Variants in CNOT6L observed in about 807,000 individuals in gnomAD.
CNOT6L encodes CCR4-NOT transcription complex subunit 6-like.
In CNOT6L, 7 loss-of-function variants were observed where a neutral mutation model predicts 64.0. That is an observed-to-expected ratio of 0.11 (90% confidence interval 0.06 to 0.21). The LOEUF (loss-of-function observed/expected upper bound fraction) is 0.21. Among genes scored for constraint, CNOT6L ranks in the 10% least tolerant of loss-of-function variants. CNOT6L has a pLI of 1.00. For synonymous variants in CNOT6L, 193 were observed against 243.4 expected, an observed-to-expected ratio of 0.79 and a Z score of 1.93; for missense variants, 245 against 669.0, an observed-to-expected ratio of 0.37 and a Z score of 6.99.
At position 77,714,260 on chromosome 4, in the gene CNOT6L, G is replaced by A. The variant is rs1268843665; in HGVS notation, c.*6171C>T. ...TTAATGCCAGGTAATGAAAATAAATGAACCTTTCCCTACTCAAAACGATAA... is the reference window on the plus strand; with the variant it reads ...TTAATGCCAGGTAATGAAAATAAATAAACCTTTCCCTACTCAAAACGATAA... On this transcript the variant is annotated 3_prime_UTR_variant, in exon 12 of 12. Transcript: ENST00000504123. 9 of 151,942 alleles carry A rather than the reference G, an allele frequency of 5.9e-5. No individual in the cohort carries two copies. The highest frequency in any genetic ancestry group is 1.3e-4 in the Non-Finnish European group (9 of 67,858). 9.4% of individuals were successfully genotyped at this position (151,942 alleles called of 1,614,324 possible).
chr4:77,723,647 T>C (rs1721531247), intron 11 of CNOT6L, among the ~76,000 whole-genome samples: 1 of 152,184 alleles, frequency 6.6e-6, no homozygotes, highest in East Asian at 1.9e-4. Context: ...CCCATCTATC[T>C]ATCCAGCCAG....
rs142126715 is a variant in CNOT6L at position 77,810,951 on chromosome 4, C to G, written c.5+8353G>C. Reference sequence around the variant, plus strand: ...TAACACAGTGTCCTCTAGTTCCATCCAAGTTGCCAAGAATGACAGGATTCC... The same window carrying G: ...TAACACAGTGTCCTCTAGTTCCATCGAAGTTGCCAAGAATGACAGGATTCC... On this transcript the variant is annotated intron_variant, in intron 1 of 11. Transcript: ENST00000504123. Among the ~76,000 whole-genome samples, 704 of 152,088 alleles carry G rather than the reference C, an allele frequency of 4.6e-3. 8 individuals are homozygous for G. The highest frequency in any genetic ancestry group is 0.016 in the African/African-American group (679 of 41,484).
At position 77,716,911 on chromosome 4, in the gene CNOT6L, G is replaced by A. The variant is rs1720803674; in HGVS notation, c.*3520C>T. 1 of 152,588 alleles carries A rather than the reference G, an allele frequency of 6.6e-6. No individual in the cohort carries two copies. The highest frequency in any genetic ancestry group is 1.9e-4 in the East Asian group (1 of 5,184). The allele number at this position is 152,588 out of a possible 1,614,324, so 9.5% of individuals were successfully genotyped here. A position where few individuals can be genotyped will look rare whatever the true frequency, so the allele number is the denominator to read the frequency against. ...TGGAACAAGGCAAATGGGAGGGGAG[G>A]AAAAGCTGGTCTCAGAACCCATTGT... On this transcript the variant is annotated 3_prime_UTR_variant, in exon 12 of 12. Transcript: ENST00000504123.
In CNOT6L at chr4:77,773,106, G is replaced by A; in HGVS notation, c.375C>T (p.Phe125=). 1 of 1,603,468 alleles carries A rather than the reference G, an allele frequency of 6.2e-7. No homozygotes were observed. Among genetic ancestry groups the A allele is most frequent in the South Asian group, 1.1e-5 (1 of 88,776 alleles). ...RVLPYELGRL[F]QLQTLGLKGN... ...CTTTCAAACCTAGAGTTTGTAGCTG[G>A]AAGAGCCGACCAAGTTCATAAGGCA... The change falls in exon 4 of 12, where the codon TTC becomes TTT. Residue 125 remains phenylalanine, a synonymous_variant. Transcript: ENST00000504123.
chr4:77,775,892 T>C (rs1223867039), intron 2 of CNOT6L, among the ~76,000 whole-genome samples: 1 of 152,200 alleles, frequency 6.6e-6, no homozygotes, highest in East Asian at 1.9e-4. Context: ...ACAGTTATTA[T>C]ATATTTATTA....
At chr4:77,731,295 T>G in intron 9 of CNOT6L, 92 bp downstream of exon 9, 2 of 1,262,260 alleles carry the variant, frequency 1.6e-6, no homozygotes, top group East Asian at 4.8e-5. Flanking sequence ...AACTTTGCAA[T>G]AAATAACGGC....
At chr4:77,768,776 CAAAACTT>C (rs149605652) in intron 4 of CNOT6L, among the ~76,000 whole-genome samples, 10,477 of 151,804 alleles carry the variant, frequency 0.069, 425 homozygotes, top group East Asian at 0.11. Flanking sequence ...CAATAACTGA[CAAAACTT>C]AAAAATCTGA....
intron 1 of CNOT6L, among the ~76,000 whole-genome samples, chr4:77,810,190 C>A (rs967931070): frequency 6.6e-6 from 1 of 151,764 alleles, no homozygotes; most frequent in Non-Finnish European, 1.5e-5. Context: ...ACATGAAAGA[C>A]AAAAATAAAA....
At chr4:77,755,367 C>T (rs1278620636) in intron 5 of CNOT6L, among the ~76,000 whole-genome samples, 2 of 151,516 alleles carry the variant, frequency 1.3e-5, no homozygotes, top group African/African-American at 4.9e-5. Flanking sequence ...CAGGCACGTG[C>T]CACCACACCT....
At chr4:77,734,005 T>C (rs530722844) in intron 8 of CNOT6L, among the ~76,000 whole-genome samples, 2 of 152,236 alleles carry the variant, frequency 1.3e-5, no homozygotes, top group Admixed American at 1.3e-4. Flanking sequence ...TTTGAACAAC[T>C]CAAGTTTACC....
chr4:77,808,782 T>A (rs1442912957), intron 1 of CNOT6L, among the ~76,000 whole-genome samples: 1 of 152,190 alleles, frequency 6.6e-6, no homozygotes, highest in Non-Finnish European at 1.5e-5. Flanking sequence ...CCCTGTAGTT[T>A]AAAATCCATA....
rs546812093 is a variant in CNOT6L at position 77,760,376 on chromosome 4, A to G, written c.401-3425T>C. Among the ~76,000 whole-genome samples the G allele has an allele frequency of 2.6e-5, 4 of 152,212 alleles. No homozygotes were observed. In the South Asian group the frequency reaches 8.3e-4, roughly 32 times the overall value. On this transcript the variant is annotated intron_variant, in intron 4 of 11. Coordinates refer to ENST00000504123, the MANE Select transcript of CNOT6L (RefSeq NM_144571.3). ...GGTGACAGACTGAGACCCTGTCTCA[A>G]AAAATAAAAGTATAATTAAATGCTT... is the stretch of plus-strand genomic sequence containing the variant.
chr4:77,735,142 CCTTG>C (rs1226397335), intron 8 of CNOT6L, among the ~76,000 whole-genome samples: 7 of 152,154 alleles, frequency 4.6e-5, no homozygotes, highest in African/African-American at 1.7e-4. Flanking sequence ...GATGTGGGCC[CCTTG>C]TGGTTTAACT....
chr4:77,797,114 A>AAAAAC (rs1560431704), intron 1 of CNOT6L, among the ~76,000 whole-genome samples: 2 of 150,568 alleles, frequency 1.3e-5, no homozygotes, highest in South Asian at 2.1e-4. Context: ...AAAAAAAAAA[A>AAAAAC]AAAAAAAAAA....
At chr4:77,815,344 T>C (rs1362972232) in intron 1 of CNOT6L, among the ~76,000 whole-genome samples, 1 of 152,224 alleles carries the variant, frequency 6.6e-6, no homozygotes, top group Non-Finnish European at 1.5e-5. Flanking sequence ...CCAACTGTAA[T>C]GTTCTCTGAA....
intron 1 of CNOT6L, among the ~76,000 whole-genome samples, chr4:77,789,739 T>G (rs1029271338): frequency 6.7e-6 from 1 of 148,468 alleles, no homozygotes; most frequent in African/African-American, 2.5e-5. Context: ...TGGCATGAGC[T>G]CAGGAGTTTG....
intron 8 of CNOT6L, among the ~76,000 whole-genome samples, chr4:77,739,070 AT>A (rs1723294880): frequency 6.6e-6 from 1 of 152,226 alleles, no homozygotes; most frequent in Admixed American, 6.5e-5. Context: ...AGTGTATTAT[AT>A]TCTAATTATC....
At chr4:77,800,353 T>A (rs944845909) in intron 1 of CNOT6L, among the ~76,000 whole-genome samples, 1 of 151,902 alleles carries the variant, frequency 6.6e-6, no homozygotes. Context: ...AAAAATTTTT[T>A]TTTTTAAAGT....
rs572486711 is a variant in CNOT6L, at chr4:77,752,017, T to TA, written c.491-3634dup. Reference sequence around the variant, plus strand: ...TGAGATCCCATCTCTACAAAAATATTAAAAAATTAGCCAGACGTGGTGACG... The same window carrying TA: ...TGAGATCCCATCTCTACAAAAATATTAAAAAAATTAGCCAGACGTGGTGACG... On this transcript the variant is annotated intron_variant, in intron 5 of 11. Transcript: ENST00000504123. 4.3e-3 allele frequency among the ~76,000 whole-genome samples: 649 copies of TA among 151,968 alleles called. 6 individuals carry two copies. The highest frequency in any genetic ancestry group is 0.015 in the African/African-American group (624 of 41,448).
Sources: allele counts gnomAD v4.1 joint callset (sites outside exome capture counted in the v4.1 genomes callset), GRCh38; gene constraint gnomAD v4.1.1; transcripts MANE v1.5; gene names NCBI Gene and HGNC (gene_info 2026-07-23, HGNC 2026-07-21).